LCK: variants seen among roughly 807,000 people sequenced by gnomAD.
LCK encodes the protein LCK proto-oncogene, Src family tyrosine kinase.
Under a neutral mutation model 64.6 loss-of-function variants are expected in LCK, and 14 were observed. The observed-to-expected ratio is 0.22, with a 90% CI of 0.14 to 0.34. The LOEUF (loss-of-function observed/expected upper bound fraction) is 0.34, where lower values mean the gene tolerates loss of function less well. Among genes scored for constraint, LCK ranks in the 10% least tolerant of loss-of-function variants. The probability of loss-of-function intolerance (pLI) is 1.00; values close to 1 mark genes in which losing one functional copy is unlikely to be tolerated. For missense variants in LCK, 434 were observed against 668.1 expected, an observed-to-expected ratio of 0.65 and a Z score of 3.86; for synonymous variants, 277 against 263.6, an observed-to-expected ratio of 1.05 and a Z score of -0.49.
chr1:32,266,401 G>T (rs1164007180), intron 1 of LCK, among the ~76,000 whole-genome samples: 1 of 150,776 alleles, frequency 6.6e-6, no homozygotes, highest in East Asian at 2.0e-4. Context: ...GGGAGGCTGA[G>T]GCAGGAGAAG....
Position 32,276,559 on chromosome 1 carries a change from A to C in LCK, c.785-48A>C. The C allele has an allele frequency of 6.3e-7, 1 of 1,585,298 alleles. No individual in the cohort carries two copies. Among genetic ancestry groups the C allele is most frequent in the Non-Finnish European group, 8.6e-7 (1 of 1,162,922 alleles). On this transcript the variant is annotated intron_variant, in intron 8 of 12. Transcript: ENST00000336890. The surrounding 1 kb of genome is among the most constrained non-coding windows in gnomAD (Gnocchi z 4.6). ...GGGCCGCTGAGGTGATGAGAGTCCC[A>C]GGACAGCTGCCTGGCGACTTTCCCA...
rs991655271 is a variant in LCK, at chr1:32,276,128, G to A, written c.631+65G>A. ...TATCTCCCCTCAGTCCCCCTCAGGTGTCCCCCATCCATCTTTCAATGCCCT... is the reference window on the plus strand; with the variant it reads ...TATCTCCCCTCAGTCCCCCTCAGGTATCCCCCATCCATCTTTCAATGCCCT... On this transcript the variant is annotated intron_variant, in intron 7 of 12. Coordinates refer to ENST00000336890, the MANE Select transcript of LCK (RefSeq NM_005356.5). This position sits in a 1 kb window ranked among gnomAD's most constrained non-coding sequence, Gnocchi z 4.6. The A allele has an allele frequency of 1.3e-6, 2 of 1,576,256 alleles. No homozygotes were observed. Among genetic ancestry groups the A allele is most frequent in the Non-Finnish European group, 1.7e-6 (2 of 1,149,984 alleles).
At chr1:32,254,177 C>A (rs1639574604) in intron 1 of LCK, among the ~76,000 whole-genome samples, 1 of 152,098 alleles carries the variant, frequency 6.6e-6, no homozygotes, top group Admixed American at 6.6e-5. Flanking sequence ...GAGCTGTGAT[C>A]GCTCCACTGC....
chr1:32,268,174 A>C (rs1219694915), intron 1 of LCK, among the ~76,000 whole-genome samples: 1 of 152,106 alleles, frequency 6.6e-6, no homozygotes, highest in East Asian at 1.9e-4. Context: ...AGCCTGGGAG[A>C]CAGAGTGAGA....
In LCK at chr1:32,251,934, GAGAC is replaced by G. The variant is rs1469214991; in HGVS notation, c.-6+567_-6+570del. 1.1e-4 allele frequency among the ~76,000 whole-genome samples: 16 copies of G among 146,706 alleles called. No individual in the cohort carries two copies. The East Asian group carries it at 2.9e-3, about 27-fold the overall frequency. On this transcript the variant is annotated intron_variant, in intron 1 of 12. Coordinates refer to ENST00000336890, the MANE Select transcript of LCK (RefSeq NM_005356.5). This position sits in a 1 kb window ranked among gnomAD's most constrained non-coding sequence, Gnocchi z 4.0. ...AGAGAGAGAGAGAGAGAGAGAGAGAGAGACAGAGATCACCCAAGGCATCCAGATG... is the reference window on the plus strand; with the variant it reads ...AGAGAGAGAGAGAGAGAGAGAGAGAGAGAGATCACCCAAGGCATCCAGATG...
At chr1:32,256,746 C>G (rs1639641955) in intron 1 of LCK, among the ~76,000 whole-genome samples, 1 of 152,136 alleles carries the variant, frequency 6.6e-6, no homozygotes, top group African/African-American at 2.4e-5. Flanking sequence ...CAGCCTAAGC[C>G]CAAAGTTCTC....
chr1:32,275,304 C>A lies in LCK; in HGVS notation c.279-17C>A, dbSNP rs1640225129. 3 of 1,613,354 alleles carry A rather than the reference C, an allele frequency of 1.9e-6. No individual in the cohort carries two copies. The highest frequency in any genetic ancestry group is 2.5e-6 in the Non-Finnish European group (3 of 1,179,422). ...CGACGGCTGAGCGAGCCACACTGAC[C>A]CACCTCCGTGGCGCAGGAGCGGCGA... On this transcript the variant is annotated splice_polypyrimidine_tract_variant and intron_variant, in intron 4 of 12. Coordinates refer to ENST00000336890, the MANE Select transcript of LCK (RefSeq NM_005356.5). This position sits in a 1 kb window ranked among gnomAD's most constrained non-coding sequence, Gnocchi z 6.9.
At chr1:32,281,613 A>G (rs928087666) in intron 12 of LCK, among the ~76,000 whole-genome samples, 1 of 152,130 alleles carries the variant, frequency 6.6e-6, no homozygotes, top group African/African-American at 2.4e-5. Context: ...CAAGACAGGG[A>G]TGGAATTTTT....
rs533969475 is a variant in LCK, at chr1:32,275,049, T to C, written c.244T>C (p.Phe82Leu). The change falls in exon 4 of 13, where the codon TTT becomes CTT. Residue 82 changes from phenylalanine to leucine, a missense_variant. Transcript: ENST00000336890. This position sits in a 1 kb window ranked among gnomAD's most constrained non-coding sequence, Gnocchi z 6.9. Reference protein sequence around the residue: ...YEPSHDGDLGFEKGEQLRILE... With the variant: ...YEPSHDGDLGLEKGEQLRILE... ...GCCCTCTCACGACGGAGATCTGGGC[T>C]TTGAGAAGGGGGAACAGCTCCGCAT... The C allele has an allele frequency of 2.8e-5, 45 of 1,613,974 alleles. No homozygotes were observed. The South Asian group carries it at 4.8e-4, about 17-fold the overall frequency.
At chr1:32,282,713 A>G (rs1053639513) in intron 12 of LCK, among the ~76,000 whole-genome samples, 2 of 152,032 alleles carry the variant, frequency 1.3e-5, no homozygotes, top group African/African-American at 4.8e-5. Flanking sequence ...GGCTGGGGCA[A>G]GAGAATCACT....
rs770615175 is a variant in LCK, at chr1:32,285,539, G to A, written c.1353G>A (p.Gln451=). 2 of 1,614,216 alleles carry A rather than the reference G, an allele frequency of 1.2e-6. No individual in the cohort carries two copies. The highest frequency in any genetic ancestry group is 3.3e-5 in the Admixed American group (2 of 60,018). Residue 451 remains glutamine (Q), a synonymous_variant, in exon 13 of 13, where the codon CAG becomes CAA. Coordinates refer to ENST00000336890, the MANE Select transcript of LCK (RefSeq NM_005356.5). ...GGATGACCAACCCGGAGGTGATTCA[G>A]AACCTGGAGCGAGGCTACCGCATGG... The part of the protein sequence containing the change: ...YPGMTNPEVI[Q]NLERGYRMVR...
rs1640230315 is a variant in LCK, at chr1:32,275,425, T to C, written c.377+6T>C. 2 of 1,613,294 alleles carry C rather than the reference T, an allele frequency of 1.2e-6. No homozygotes were observed. The highest frequency in any genetic ancestry group is 2.7e-5 in the African/African-American group (2 of 74,740). On this transcript the variant is annotated splice_donor_region_variant and intron_variant, in intron 5 of 12. Coordinates refer to ENST00000336890, the MANE Select transcript of LCK (RefSeq NM_005356.5). The surrounding 1 kb of genome is among the most constrained non-coding windows in gnomAD (Gnocchi z 6.9). ...AACAGCCTGGAGCCCGAACCGTAAG[T>C]GGGGACCCGTCGTGGGGGTGGGTAG...
At chr1:32,261,517 G>C (rs537730717) in intron 1 of LCK, among the ~76,000 whole-genome samples, 1 of 150,312 alleles carries the variant, frequency 6.7e-6, no homozygotes, top group Non-Finnish European at 1.5e-5. Context: ...CTGGTGGAAC[G>C]TGACTGTAAT....
intron 1 of LCK, among the ~76,000 whole-genome samples, chr1:32,259,267 C>T (rs1423069092): frequency 1.4e-5 from 2 of 143,420 alleles, no homozygotes; most frequent in African/African-American, 5.2e-5. Context: ...TACCCGGGCC[C>T]TCTCATTCAC....
chr1:32,255,590 G>A (rs1255312824), intron 1 of LCK, among the ~76,000 whole-genome samples: 3 of 152,028 alleles, frequency 2.0e-5, no homozygotes, highest in African/African-American at 4.8e-5. Context: ...TGTCATGTGC[G>A]GCCATGTTGT....
chr1:32,278,536 G>A (rs926005547), intron 9 of LCK, among the ~76,000 whole-genome samples: 5 of 151,966 alleles, frequency 3.3e-5, no homozygotes, highest in Non-Finnish European at 5.9e-5. Context: ...ACAGGTTTTC[G>A]CCTTGTTGGC....
intron 9 of LCK, 171 bp from the exon 10 acceptor site, chr1:32,279,500 A>C: frequency 7.5e-7 from 1 of 1,324,514 alleles, no homozygotes; most frequent in South Asian, 1.4e-5. Flanking sequence ...CTGCAAAAAA[A>C]CCTTTACATA....
Position 32,285,650 on chromosome 1 carries a change from C to T in LCK, c.1464C>T (p.Asp488=), listed in dbSNP as rs1223366825. ...KERPEDRPTF[D]YLRSVLEDFF... ...GCCCAGAGGACCGGCCCACCTTTGA[C>T]TACCTGCGCAGTGTGCTGGAGGACT... The change falls in exon 13 of 13, where the codon GAC becomes GAT. Residue 488 remains aspartate, a synonymous_variant. Coordinates refer to ENST00000336890, the MANE Select transcript of LCK (RefSeq NM_005356.5). 3.1e-6 allele frequency: 5 copies of T among 1,613,982 alleles called. No individual in the cohort carries two copies. Among genetic ancestry groups the T allele is most frequent in the Admixed American group, 1.7e-5 (1 of 59,980 alleles).
At chr1:32,259,678 C>T (rs1639720272) in intron 1 of LCK, among the ~76,000 whole-genome samples, 1 of 151,606 alleles carries the variant, frequency 6.6e-6, no homozygotes, top group Admixed American at 6.6e-5. Context: ...GGCGTGGTGG[C>T]ACATGCCTGT....
Sources: gnomAD v4.1 joint callset for allele counts (sites outside exome capture counted in the v4.1 genomes callset) on GRCh38, gnomAD v4.1.1 for gene constraint, Gnocchi (gnomAD v3.1) non-coding constraint, MANE v1.5 for transcripts, NCBI Gene and HGNC (gene_info 2026-07-23, HGNC 2026-07-21) for gene names.